The following NUGGC variants were observed in gnomAD, a reference collection of about 807,000 sequenced individuals.
NUGGC encodes the protein nuclear GTPase, germinal center associated.
In NUGGC, 58 loss-of-function variants were observed where a neutral mutation model predicts 92.6. That is an observed-to-expected ratio of 0.63 (90% CI 0.51 to 0.78). The LOEUF (loss-of-function observed/expected upper bound fraction) is 0.78, where lower values mean the gene tolerates loss of function less well. NUGGC is among the 30% of genes least tolerant of loss of function. The pLI is 0.00. For synonymous variants in NUGGC, 376 were observed against 366.4 expected (o/e 1.03, Z -0.30); for missense variants, 925 against 964.6 (o/e 0.96, Z 0.54).
chr8:28,054,670 C>A (rs1244867365), intron 10 of NUGGC, among the ~76,000 whole-genome samples: 1 of 152,170 alleles, frequency 6.6e-6, no homozygotes, highest in Non-Finnish European at 1.5e-5. Flanking sequence ...AACACAGCAG[C>A]CTGTGTGAAC....
At chr8:28,081,637 G>A (rs146657998) in intron 1 of NUGGC, among the ~76,000 whole-genome samples, 17 of 152,082 alleles carry the variant, frequency 1.1e-4, no homozygotes, top group Non-Finnish European at 1.8e-4. Flanking sequence ...CCAACATTTT[G>A]GGAGGCTGAG....
chr8:28,070,211 A>G (rs1485595698), intron 3 of NUGGC, 41 bp downstream of exon 3: 10 of 1,510,872 alleles, frequency 6.6e-6, no homozygotes, highest in East Asian at 2.5e-5. Flanking sequence ...TACTTGGAAC[A>G]GAACCGAACC....
At chr8:28,037,078 G>T (rs776108161) in intron 13 of NUGGC, among the ~76,000 whole-genome samples, 15 of 152,118 alleles carry the variant, frequency 9.9e-5, no homozygotes, top group East Asian at 1.9e-4. Flanking sequence ...GTAAAGCCAT[G>T]TCAAAACTGT....
chr8:28,049,802 G>A (rs1243451510), intron 10 of NUGGC, among the ~76,000 whole-genome samples: 1 of 152,190 alleles, frequency 6.6e-6, no homozygotes, highest in African/African-American at 2.4e-5. Flanking sequence ...AACCAGAAGG[G>A]AGGCTAGGTG....
At position 28,060,544 on chromosome 8, in the gene NUGGC, C is replaced by G; in HGVS notation, c.979G>C (p.Gly327Arg). 1.2e-6 allele frequency: 2 copies of G among 1,613,802 alleles called. No individual in the cohort carries two copies. The highest frequency in any genetic ancestry group is 1.7e-6 in the Non-Finnish European group (2 of 1,179,802). ...VISDIERVSG[G>R]QAHEDLLNES... ...TTCAGAAGGTCTTCGTGGGCTTGCC[C>G]CCCAGAAACTCGCTCTATGTCGCTG... Residue 327 changes from glycine (G) to arginine (R), a missense_variant, in exon 8 of 19, where the codon GGG becomes CGG. Gly to Arg is a moderately radical substitution (Grantham distance 125). Transcript: ENST00000413272.
At position 28,029,159 on chromosome 8, in the gene NUGGC, T is replaced by C. The variant is rs994546250; in HGVS notation, c.2154+107A>G. On this transcript the variant is annotated intron_variant, in intron 17 of 18. Transcript: ENST00000413272. ...AGTCGAAGCCCCAGAAAGCATCTGT[T>C]CCATTTGGACCCAAATGCCTACTAT... The C allele has an allele frequency of 5.1e-5, 58 of 1,136,126 alleles. 1 individual carries two copies. The highest frequency in any genetic ancestry group is 2.2e-4 in the South Asian group (15 of 67,456). The allele number at this position is 1,136,126 out of a possible 1,614,324, so 70.4% of individuals were successfully genotyped here. A position where few individuals can be genotyped will look rare whatever the true frequency, so the allele number is the denominator to read the frequency against.
intron 15 of NUGGC, 108 bp from the exon 16 acceptor site, chr8:28,030,526 G>T: frequency 3.0e-6 from 2 of 676,542 alleles, no homozygotes; most frequent in African/African-American, 1.8e-5. Flanking sequence ...CTTATATGAT[G>T]CCCAGTTGTT....
At chr8:28,058,013 G>A (rs886563450) in intron 9 of NUGGC, among the ~76,000 whole-genome samples, 2 of 152,112 alleles carry the variant, frequency 1.3e-5, no homozygotes, top group Non-Finnish European at 2.9e-5. Context: ...CCAACGTGGT[G>A]AAACCCCATC....
chr8:28,063,193 G>C (rs1188657981), intron 7 of NUGGC, among the ~76,000 whole-genome samples: 1 of 152,206 alleles, frequency 6.6e-6, no homozygotes, highest in Non-Finnish European at 1.5e-5. Context: ...CTTCTTGTGA[G>C]AGGAGGTCAA....
intron 10 of NUGGC, among the ~76,000 whole-genome samples, chr8:28,048,095 T>G (rs1374179995): frequency 6.6e-6 from 1 of 152,226 alleles, no homozygotes; most frequent in Non-Finnish European, 1.5e-5. Context: ...GTCCTGAATC[T>G]CAAACTGATA....
At chr8:28,033,968 G>C (rs1305171886) in intron 13 of NUGGC, among the ~76,000 whole-genome samples, 1 of 152,132 alleles carries the variant, frequency 6.6e-6, no homozygotes, top group Non-Finnish European at 1.5e-5. Context: ...TTACTCATTT[G>C]TCCGGCTCCT....
At chr8:28,070,411 G>C in intron 2 of NUGGC, 55 bp from the exon 3 acceptor site, 2 of 922,532 alleles carry the variant, frequency 2.2e-6, no homozygotes, top group Non-Finnish European at 3.4e-6. Flanking sequence ...TGGTATTCTT[G>C]CCTCACCTCT....
chr8:28,025,230 A>C (rs750755292), intron 18 of NUGGC, among the ~76,000 whole-genome samples: 1 of 152,208 alleles, frequency 6.6e-6, no homozygotes. Context: ...ATTCTTACAC[A>C]TCTTGTCTTA....
chr8:28,065,929 G>T (rs1810429702), intron 6 of NUGGC, among the ~76,000 whole-genome samples: 1 of 152,168 alleles, frequency 6.6e-6, no homozygotes, highest in Admixed American at 6.5e-5. Flanking sequence ...AAAGGCAGGG[G>T]CTTGAAAAGC....
chr8:28,031,881 C>G (rs1358824388), intron 14 of NUGGC, among the ~76,000 whole-genome samples: 2 of 152,228 alleles, frequency 1.3e-5, no homozygotes, highest in Admixed American at 6.5e-5. Flanking sequence ...AGAGCACAAG[C>G]TTTAAATCCT....
At chr8:28,062,500 C>G (rs555749954) in intron 7 of NUGGC, among the ~76,000 whole-genome samples, 2 of 152,270 alleles carry the variant, frequency 1.3e-5, no homozygotes, top group South Asian at 4.1e-4. Context: ...ACCTGTAGCC[C>G]CAGCTACTCG....
intron 2 of NUGGC, 73 bp downstream of exon 2, chr8:28,074,295 C>A (rs373160802): frequency 2.9e-6 from 3 of 1,028,142 alleles, no homozygotes; most frequent in South Asian, 2.6e-5. Flanking sequence ...ATAGTCCCAA[C>A]CTATTTGCCT....
chr8:28,077,971 A>G (rs4524746), intron 1 of NUGGC, among the ~76,000 whole-genome samples: 151,236 of 152,352 alleles, frequency 0.99, 75,073 homozygotes, highest in Middle Eastern at 1. Flanking sequence ...TACGGGTAGT[A>G]GTTTTGGCTT....
intron 14 of NUGGC, 108 bp from the exon 15 acceptor site, chr8:28,031,489 G>T: frequency 9.3e-7 from 1 of 1,073,184 alleles, no homozygotes; most frequent in Non-Finnish European, 1.4e-6. Context: ...GAAGGAAGAT[G>T]AAATCTAACA....
Sources: gnomAD v4.1 joint callset for allele counts (sites outside exome capture counted in the v4.1 genomes callset) on GRCh38, gnomAD v4.1.1 for gene constraint, MANE v1.5 for transcripts, NCBI Gene and HGNC (gene_info 2026-07-23, HGNC 2026-07-21) for gene names.